The following DOCK2 variants were observed in gnomAD, a reference collection of about 807,000 sequenced individuals.
The protein encoded by DOCK2 is dedicator of cytokinesis protein 2.
A neutral mutation model predicts 248.9 loss-of-function variants in DOCK2; 87 were observed. That is an observed-to-expected ratio of 0.35 (90% CI 0.29 to 0.42). The LOEUF (loss-of-function observed/expected upper bound fraction) is 0.42. Ranked by LOEUF, DOCK2 falls within the 10% of genes least tolerant of loss-of-function variation. DOCK2 has a pLI of 1.00. For synonymous variants in DOCK2, 805 were observed against 821.6 expected (o/e 0.98, Z 0.35); for missense variants, 1,747 against 2,300.2 (o/e 0.76, Z 4.92).
intron 27 of DOCK2, among the ~76,000 whole-genome samples, chr5:169,944,793 T>C (rs1776380441): frequency 6.6e-6 from 1 of 152,224 alleles, no homozygotes; most frequent in Non-Finnish European, 1.5e-5. Flanking sequence ...TTGTCTGTGA[T>C]GATCGGAAAG....
At chr5:169,934,562 C>G (rs1177586517) in intron 27 of DOCK2, 3 of 449,020 alleles carry the variant, frequency 6.7e-6, no homozygotes, top group Non-Finnish European at 1.3e-5. Flanking sequence ...TTCACACACA[C>G]CTGGATCTAA....
chr5:170,016,976 A>G (rs947094957), intron 32 of DOCK2, among the ~76,000 whole-genome samples: 3 of 152,172 alleles, frequency 2.0e-5, no homozygotes, highest in Non-Finnish European at 4.4e-5. Flanking sequence ...GCATCATATA[A>G]TGAAGCTTAT....
chr5:170,012,797 C>T (rs1052238163), intron 32 of DOCK2, among the ~76,000 whole-genome samples: 1 of 152,214 alleles, frequency 6.6e-6, no homozygotes, highest in African/African-American at 2.4e-5. Flanking sequence ...TGCACTTAAT[C>T]CTCCCACATT....
intron 22 of DOCK2, among the ~76,000 whole-genome samples, chr5:169,728,241 G>A (rs1451910368): frequency 1.3e-5 from 2 of 152,130 alleles, no homozygotes; most frequent in Admixed American, 6.5e-5. Context: ...AAATGTTTGA[G>A]GTGTTTATTG....
chr5:170,065,132 G>C (rs755133897), intron 44 of DOCK2, among the ~76,000 whole-genome samples: 1 of 152,120 alleles, frequency 6.6e-6, no homozygotes, highest in African/African-American at 2.4e-5. Flanking sequence ...GGAGGAGAGG[G>C]AGTAAAATTG....
chr5:170,055,490 T>C, intron 42 of DOCK2, 104 bp downstream of exon 42: 1 of 1,062,698 alleles, frequency 9.4e-7, no homozygotes, highest in Non-Finnish European at 1.4e-6. Flanking sequence ...TCTAGTTCCT[T>C]CTCTATCTTA....
At chr5:169,895,778 A>G (rs193110465) in intron 27 of DOCK2, among the ~76,000 whole-genome samples, 43 of 152,318 alleles carry the variant, frequency 2.8e-4, no homozygotes, top group East Asian at 1.9e-4. Context: ...AGGACAAGTC[A>G]TCTCATATCT....
chr5:169,891,927 C>T (rs565268040), intron 27 of DOCK2, among the ~76,000 whole-genome samples: 9 of 144,410 alleles, frequency 6.2e-5, no homozygotes, highest in South Asian at 2.3e-4. Context: ...ACCTGGGAGG[C>T]GGAGGTTGCA....
chr5:170,042,063 C>A lies in DOCK2; in HGVS notation c.3807C>A (p.His1269Gln), dbSNP rs1756536664. The A allele has an allele frequency of 6.2e-7, 1 of 1,613,556 alleles. No individual in the cohort carries two copies. Among genetic ancestry groups the A allele is most frequent in the African/African-American group, 1.3e-5 (1 of 74,892 alleles). Residue 1269 changes from histidine to glutamine, a missense_variant, in exon 38 of 52, where the codon CAC (histidine) becomes CAA (glutamine). Physicochemically the swap from His to Gln is conservative, Grantham distance 24. Transcript: ENST00000520908. ...AGGTCATGCAGACAGGCCAGCAGCA[C>A]CCCCAGACACACCGGCAGCTGAAGG... ...ASQVMQTGQQ[H>Q]PQTHRQLKET...
chr5:169,818,390 G>A (rs1768203932), intron 26 of DOCK2, among the ~76,000 whole-genome samples: 1 of 152,216 alleles, frequency 6.6e-6, no homozygotes, highest in Non-Finnish European at 1.5e-5. Flanking sequence ...TTTGGATTGA[G>A]TTAAATTCTA....
intron 27 of DOCK2, chr5:169,883,304 T>C: frequency 6.4e-7 from 1 of 1,551,616 alleles, no homozygotes; most frequent in Non-Finnish European, 8.7e-7. Flanking sequence ...ATGGCAGCTG[T>C]GGCTTTCTCT....
intron 26 of DOCK2, among the ~76,000 whole-genome samples, chr5:169,806,557 T>G (rs1040466858): frequency 3.9e-5 from 6 of 152,172 alleles, no homozygotes; most frequent in Non-Finnish European, 8.8e-5. Context: ...AGCTGTATGT[T>G]AAATCCTCAG....
At position 169,883,110 on chromosome 5, in the gene DOCK2, G is replaced by T. The variant is rs370562223; in HGVS notation, c.2799+42258G>T. ...CTGTGCCTGGTGTGTGGCTGGCAAC[G>T]CTGGTGGCATTTAAGCAGGAGGTGG... On this transcript the variant is annotated intron_variant, in intron 27 of 51. Transcript: ENST00000520908. 106 of 1,551,666 alleles carry T rather than the reference G, an allele frequency of 6.8e-5. 2 individuals carry two copies. In the South Asian group the frequency reaches 8.3e-4, roughly 12 times the overall value.
chr5:169,929,562 C>G (rs1020010461), intron 27 of DOCK2, among the ~76,000 whole-genome samples: 1 of 151,764 alleles, frequency 6.6e-6, no homozygotes, highest in Non-Finnish European at 1.5e-5. Flanking sequence ...CATGATGAAA[C>G]CTTGTCTCTA....
chr5:169,806,219 GTTT>G (rs36108162), intron 26 of DOCK2, among the ~76,000 whole-genome samples: 2 of 122,582 alleles, frequency 1.6e-5, no homozygotes. Context: ...CACCTCGAGA[GTTT>G]TTTTTTTTTT....
At chr5:169,908,103 G>A (rs1774395294) in intron 27 of DOCK2, among the ~76,000 whole-genome samples, 1 of 152,186 alleles carries the variant, frequency 6.6e-6, no homozygotes, top group African/African-American at 2.4e-5. Flanking sequence ...GCAAGGGAAA[G>A]CCCAATGTAT....
intron 34 of DOCK2, among the ~76,000 whole-genome samples, chr5:170,029,536 C>G (rs1425081882): frequency 1.3e-5 from 2 of 152,184 alleles, no homozygotes; most frequent in Admixed American, 1.3e-4. Context: ...ATTGTGAGAA[C>G]TGAATAATTA....
intron 27 of DOCK2, among the ~76,000 whole-genome samples, chr5:169,843,814 A>G (rs868210106): frequency 1.4e-4 from 22 of 152,144 alleles, no homozygotes; most frequent in Admixed American, 2.0e-4. Flanking sequence ...ATTCAAGGTC[A>G]TTTGTGTCTG....
At chr5:169,979,590 G>A (rs1388670690) in intron 27 of DOCK2, among the ~76,000 whole-genome samples, 2 of 152,238 alleles carry the variant, frequency 1.3e-5, no homozygotes, top group Non-Finnish European at 1.5e-5. Context: ...ATTTCCCACA[G>A]ATCTGATACC....
Sources: allele counts gnomAD v4.1 joint callset (sites outside exome capture counted in the v4.1 genomes callset), GRCh38; gene constraint gnomAD v4.1.1; transcripts MANE v1.5; gene names NCBI Gene and HGNC (gene_info 2026-07-23, HGNC 2026-07-21).